Variants in BCAS3 observed in about 807,000 individuals in gnomAD.
The protein encoded by BCAS3 is BCAS3 microtubule associated cell migration factor.
A neutral mutation model predicts 116.1 loss-of-function variants in BCAS3; 53 were observed. That is an observed-to-expected ratio of 0.46 (90% CI 0.37 to 0.57). The LOEUF (loss-of-function observed/expected upper bound fraction) is 0.57, where lower values mean the gene tolerates loss of function less well. Among genes scored for constraint, BCAS3 ranks in the 20% least tolerant of loss-of-function variants. The pLI is 0.00. For missense variants in BCAS3, 917 were observed against 1,165.4 expected (o/e 0.79, Z 3.10); for synonymous variants, 391 against 408.2 (o/e 0.96, Z 0.51).
intron 22 of BCAS3, among the ~76,000 whole-genome samples, chr17:61,272,368 C>T (rs898949604): frequency 1.3e-5 from 2 of 152,186 alleles, no homozygotes; most frequent in Non-Finnish European, 2.9e-5. Context: ...CACAGAGGCT[C>T]ATGCCTGTAA....
At chr17:60,769,418 G>A (rs8069867) in intron 6 of BCAS3, among the ~76,000 whole-genome samples, 41,696 of 152,086 alleles carry the variant, frequency 0.27, 11,421 homozygotes, top group African/African-American at 0.71. Context: ...AGCGGAGGTG[G>A]GCTTTGTCTT....
At chr17:60,761,430 T>TCAGTTC (rs370022343) in intron 6 of BCAS3, among the ~76,000 whole-genome samples, 2 of 151,082 alleles carry the variant, frequency 1.3e-5, no homozygotes, top group African/African-American at 4.9e-5. Context: ...TTCTCATTGT[T>TCAGTTC]CCACCTATGA....
intron 19 of BCAS3, among the ~76,000 whole-genome samples, chr17:61,062,221 G>T (rs1268911381): frequency 6.6e-6 from 1 of 151,808 alleles, no homozygotes; most frequent in Non-Finnish European, 1.5e-5. Flanking sequence ...GGTTTAAAAG[G>T]TAACAAAAAA....
chr17:60,786,113 G>A (rs953433844), intron 6 of BCAS3, among the ~76,000 whole-genome samples: 4 of 152,082 alleles, frequency 2.6e-5, no homozygotes, highest in African/African-American at 9.7e-5. Context: ...AGAGACAACT[G>A]TTTATGTTTT....
intron 9 of BCAS3, among the ~76,000 whole-genome samples, chr17:60,875,624 G>GA (rs1171747343): frequency 1.3e-5 from 2 of 152,100 alleles, no homozygotes; most frequent in East Asian, 1.9e-4. Context: ...AGTTCTTGCA[G>GA]AAAAAATGTG....
chr17:61,091,746 G>A (rs1413505987), intron 22 of BCAS3, among the ~76,000 whole-genome samples: 1 of 152,142 alleles, frequency 6.6e-6, no homozygotes, highest in African/African-American at 2.4e-5. Flanking sequence ...GAAAAGTCTT[G>A]TTCTGGAAGC....
chr17:61,371,539 T>C (rs1346760638), intron 23 of BCAS3, among the ~76,000 whole-genome samples: 2 of 152,170 alleles, frequency 1.3e-5, no homozygotes, highest in African/African-American at 2.4e-5. Context: ...TTAATAACAA[T>C]GTATTCTTGA....
At chr17:61,257,420 CAAAAAAAAAA>C (rs35124459) in intron 22 of BCAS3, among the ~76,000 whole-genome samples, 4 of 57,238 alleles carry the variant, frequency 7.0e-5, no homozygotes, top group South Asian at 7.6e-4. Flanking sequence ...GACTCCATCT[CAAAAAAAAAA>C]AAAAAAAAAA....
intron 22 of BCAS3, among the ~76,000 whole-genome samples, chr17:61,263,088 CAA>C (rs1159769928): frequency 1.3e-5 from 2 of 152,166 alleles, no homozygotes; most frequent in African/African-American, 4.8e-5. Context: ...TTGAATTACT[CAA>C]AGTCTTAGCA....
chr17:61,275,855 C>T (rs1312195340), intron 22 of BCAS3, among the ~76,000 whole-genome samples: 1 of 152,168 alleles, frequency 6.6e-6, no homozygotes. Flanking sequence ...TTCCAAATCT[C>T]ATGGAAATTT....
intron 22 of BCAS3, among the ~76,000 whole-genome samples, chr17:61,138,801 T>C (rs1256720572): frequency 6.6e-6 from 1 of 152,208 alleles, no homozygotes; most frequent in Admixed American, 6.5e-5. Flanking sequence ...ACAATTCTTT[T>C]TGGGCATTTT....
intron 22 of BCAS3, among the ~76,000 whole-genome samples, chr17:61,154,574 CA>C (rs2144023666): frequency 6.6e-6 from 1 of 152,000 alleles, no homozygotes; most frequent in East Asian, 1.9e-4. Context: ...TGGCTGGGAC[CA>C]CAGTGTGCAC....
chr17:61,048,139 A>G (rs1233721020), intron 19 of BCAS3, among the ~76,000 whole-genome samples: 1 of 151,956 alleles, frequency 6.6e-6, no homozygotes, highest in African/African-American at 2.4e-5. Flanking sequence ...AATATTTTAT[A>G]TGTTTCAATT....
intron 10 of BCAS3, among the ~76,000 whole-genome samples, chr17:60,896,603 T>A (rs2057527619): frequency 6.6e-6 from 1 of 152,136 alleles, no homozygotes; most frequent in African/African-American, 2.4e-5. Context: ...CAGCTGTTTT[T>A]GACTTTAGAG....
chr17:60,751,338 A>G (rs1308780355), intron 6 of BCAS3, among the ~76,000 whole-genome samples: 1 of 152,192 alleles, frequency 6.6e-6, no homozygotes, highest in Non-Finnish European at 1.5e-5. Context: ...AAAAACTGTT[A>G]CTAATTATCT....
At chr17:61,110,295 A>G (rs986603143) in intron 22 of BCAS3, among the ~76,000 whole-genome samples, 2 of 152,220 alleles carry the variant, frequency 1.3e-5, no homozygotes, top group South Asian at 4.1e-4. Flanking sequence ...TGAGCGACGC[A>G]GAAGATGGGT....
At chr17:61,385,834 A>G (rs2143652042) in intron 23 of BCAS3, among the ~76,000 whole-genome samples, 1 of 152,312 alleles carries the variant, frequency 6.6e-6, no homozygotes, top group South Asian at 2.1e-4. Context: ...GGTATTTGCA[A>G]AGAGGCGAGG....
chr17:61,156,651 G>A lies in BCAS3; in HGVS notation c.2425+72087G>A, dbSNP rs190693485. Reference sequence around the variant, plus strand: ...CAGAGGGATTTTTAAATATGAAACTGTGTCTTTTTGTAGTTGATGAGTAAC... The same window carrying A: ...CAGAGGGATTTTTAAATATGAAACTATGTCTTTTTGTAGTTGATGAGTAAC... On this transcript the variant is annotated intron_variant, in intron 22 of 23. Transcript: ENST00000407086. The surrounding 1 kb of genome is among the most constrained non-coding windows in gnomAD (Gnocchi z 4.7). 6.6e-6 allele frequency among the ~76,000 whole-genome samples: 1 copy of A among 152,246 alleles called. No homozygotes were observed. Among genetic ancestry groups the A allele is most frequent in the East Asian group, 1.9e-4 (1 of 5,192 alleles).
At chr17:60,771,672 G>A (rs1365417368) in intron 6 of BCAS3, among the ~76,000 whole-genome samples, 1 of 152,018 alleles carries the variant, frequency 6.6e-6, no homozygotes. Flanking sequence ...ATTTACATTA[G>A]GTATATCTCC....
Sources: allele counts gnomAD v4.1 joint callset (sites outside exome capture counted in the v4.1 genomes callset), GRCh38; gene constraint gnomAD v4.1.1; non-coding constraint Gnocchi (gnomAD v3.1); transcripts MANE v1.5; gene names NCBI Gene and HGNC (gene_info 2026-07-23, HGNC 2026-07-21).